DNM3: variants seen among roughly 807,000 people sequenced by gnomAD.
DNM3 encodes dynamin 3.
A neutral mutation model predicts 101.6 loss-of-function variants in DNM3; 47 were observed. The ratio of observed to expected loss-of-function variants is 0.46; its 90% CI spans 0.37 to 0.59. DNM3 has a LOEUF of 0.59. Among genes scored for constraint, DNM3 ranks in the 20% least tolerant of loss-of-function variants. The pLI is 0.00. For synonymous variants in DNM3, 385 were observed against 387.9 expected (o/e 0.99, Z 0.09); for missense variants, 849 against 1,085.7 (o/e 0.78, Z 3.06).
intron 1 of DNM3, among the ~76,000 whole-genome samples, chr1:171,906,454 C>A (rs1011719302): frequency 3.3e-5 from 5 of 151,534 alleles, no homozygotes; most frequent in African/African-American, 4.9e-5. Flanking sequence ...TTTTGCCCGA[C>A]CCCCAGCAAC....
At chr1:172,125,876 G>A (rs1558609602) in intron 13 of DNM3, among the ~76,000 whole-genome samples, 1 of 152,056 alleles carries the variant, frequency 6.6e-6, no homozygotes, top group Non-Finnish European at 1.5e-5. Context: ...CTCTTTCTCT[G>A]TGAAGGGCTT....
chr1:171,931,259 T>C (rs2040984389), intron 2 of DNM3, among the ~76,000 whole-genome samples: 1 of 152,250 alleles, frequency 6.6e-6, no homozygotes, highest in Admixed American at 6.5e-5. Flanking sequence ...TTCAATGCAA[T>C]CCCTGTCATA....
At chr1:172,139,043 A>G in intron 14 of DNM3, 1 of 377,604 alleles carries the variant, frequency 2.6e-6, no homozygotes, top group Non-Finnish European at 5.3e-6. Flanking sequence ...ATGGAACTAA[A>G]AACAAGTTAG....
chr1:172,041,143 A>T (rs1033192240), intron 7 of DNM3, among the ~76,000 whole-genome samples: 1 of 152,140 alleles, frequency 6.6e-6, no homozygotes, highest in Admixed American at 6.5e-5. Context: ...CATCATCTAG[A>T]GGAGCCTTCA....
At position 172,323,314 on chromosome 1, in the gene DNM3, C is replaced by T. The variant is rs748251436; in HGVS notation, c.1882-15C>T. ...AACATATTTCTCTTTCTTTTCCTTG[C>T]GGCTACATGCATAGGGGAACAACAA... On this transcript the variant is annotated splice_polypyrimidine_tract_variant and intron_variant, in intron 16 of 20. Transcript: ENST00000627582. 39 of 1,595,948 alleles carry T rather than the reference C, an allele frequency of 2.4e-5. No individual in the cohort carries two copies. Among genetic ancestry groups the T allele is most frequent in the East Asian group, 6.7e-5 (3 of 44,460 alleles).
chr1:172,387,492 C>A lies in DNM3; in HGVS notation c.2285+133C>A, dbSNP rs574879958. ...CGAACATAGTGAAACCCTGTCTCTA[C>A]TAAAAACATAAAAAAAATTAGCCGG... is the stretch of plus-strand genomic sequence containing the variant. On this transcript the variant is annotated intron_variant, in intron 19 of 20. Coordinates refer to ENST00000627582, the MANE Select transcript of DNM3 (RefSeq NM_015569.5). 2.2e-4 allele frequency: 164 copies of A among 743,790 alleles called. No homozygotes were observed. In the South Asian group the frequency reaches 3.0e-3, roughly 13 times the overall value. 46.1% of individuals were successfully genotyped at this position (743,790 alleles called of 1,614,324 possible).
chr1:172,036,435 A>C (rs1376365032), intron 6 of DNM3, among the ~76,000 whole-genome samples: 1 of 151,886 alleles, frequency 6.6e-6, no homozygotes, highest in Non-Finnish European at 1.5e-5. Context: ...TGGTACTGGT[A>C]CCAAAACAGA....
intron 4 of DNM3, among the ~76,000 whole-genome samples, chr1:172,020,246 C>G (rs962173220): frequency 2.0e-5 from 3 of 152,058 alleles, no homozygotes; most frequent in African/African-American, 7.2e-5. Flanking sequence ...CTGCCCCACC[C>G]CTTTAGGTGG....
intron 4 of DNM3, among the ~76,000 whole-genome samples, chr1:172,019,170 T>C (rs2047660425): frequency 6.6e-6 from 1 of 151,516 alleles, no homozygotes; most frequent in African/African-American, 2.4e-5. Context: ...TTCTCTCTTT[T>C]CTTCTTTATC....
At chr1:171,895,319 G>A (rs2037685299) in intron 1 of DNM3, among the ~76,000 whole-genome samples, 1 of 152,118 alleles carries the variant, frequency 6.6e-6, no homozygotes, top group Non-Finnish European at 1.5e-5. Flanking sequence ...ACTTTTTAAT[G>A]ATTGCCATTC....
intron 14 of DNM3, among the ~76,000 whole-genome samples, chr1:172,225,005 A>G (rs1416416944): frequency 6.6e-6 from 1 of 152,130 alleles, no homozygotes; most frequent in Non-Finnish European, 1.5e-5. Context: ...GGTTCAGAGA[A>G]GCGACATGAT....
intron 17 of DNM3, chr1:172,339,054 GAA>G (rs2066571814): frequency 6.1e-6 from 3 of 492,600 alleles, no homozygotes; most frequent in Admixed American, 2.1e-5. Context: ...AAATAAAAAA[GAA>G]AGTTTGATTA....
intron 4 of DNM3, among the ~76,000 whole-genome samples, chr1:172,032,161 T>C (rs2048656378): frequency 6.6e-6 from 1 of 152,198 alleles, no homozygotes; most frequent in African/African-American, 2.4e-5. Flanking sequence ...ATTTTTGTGC[T>C]ATAGCTATTT....
At chr1:171,890,617 T>C (rs2037184466) in intron 1 of DNM3, among the ~76,000 whole-genome samples, 1 of 152,200 alleles carries the variant, frequency 6.6e-6, no homozygotes, top group Non-Finnish European at 1.5e-5. Flanking sequence ...ATCATTAAGT[T>C]GTTTTTTTTT....
Position 172,411,029 on chromosome 1 carries a change from T to C in DNM3, c.*3188T>C. On this transcript the variant is annotated 3_prime_UTR_variant, in exon 21 of 21. Transcript: ENST00000627582. The stretch of plus-strand genomic sequence containing the variant: ...TCCATTTGAGTAGGTAGGTAGGTTT[T>C]AAAAATACTAGTTAAAATGCCACAA... 1.0e-6 allele frequency: 1 copy of C among 985,246 alleles called. No individual in the cohort carries two copies. Among genetic ancestry groups the C allele is most frequent in the Non-Finnish European group, 1.2e-6 (1 of 829,804 alleles). The allele number at this position is 985,246 out of a possible 1,614,324, so 61.0% of individuals were successfully genotyped here.
intron 1 of DNM3, among the ~76,000 whole-genome samples, chr1:171,869,326 G>A (rs943170178): frequency 2.0e-5 from 3 of 152,198 alleles, no homozygotes; most frequent in African/African-American, 7.2e-5. Flanking sequence ...CTGAGGAGCT[G>A]TGGGCTGCTT....
At chr1:172,099,697 GT>G (rs1295459738) in intron 13 of DNM3, among the ~76,000 whole-genome samples, 1 of 152,208 alleles carries the variant, frequency 6.6e-6, no homozygotes, top group Non-Finnish European at 1.5e-5. Flanking sequence ...AAATTATGAG[GT>G]GGGAGGTTAA....
chr1:172,009,137 A>G (rs1323404079), intron 4 of DNM3, among the ~76,000 whole-genome samples: 1 of 138,032 alleles, frequency 7.2e-6, no homozygotes, highest in Admixed American at 8.0e-5. Flanking sequence ...ATATATTTAT[A>G]TTATATATAT....
chr1:172,075,225 G>A (rs2052554737), intron 11 of DNM3, among the ~76,000 whole-genome samples: 1 of 151,850 alleles, frequency 6.6e-6, no homozygotes, highest in African/African-American at 2.4e-5. Flanking sequence ...TTTGTCAGAT[G>A]GGTAGATTGC....
Sources: gnomAD v4.1 joint callset for allele counts (sites outside exome capture counted in the v4.1 genomes callset) on GRCh38, gnomAD v4.1.1 for gene constraint, MANE v1.5 for transcripts, NCBI Gene and HGNC (gene_info 2026-07-23, HGNC 2026-07-21) for gene names.